ATP8B4: variants seen among roughly 807,000 people sequenced by gnomAD.
The protein encoded by ATP8B4 is probable phospholipid-transporting ATPase IM.
In ATP8B4, 133 loss-of-function variants were observed where a neutral mutation model predicts 145.6. The observed-to-expected ratio is 0.91, with a 90% CI of 0.79 to 1.05. The LOEUF is 1.05. Among genes scored for constraint, ATP8B4 ranks in the 50% least tolerant of loss-of-function variants. The pLI is 0.00. For missense variants in ATP8B4, 1,458 were observed against 1,425.2 expected, an observed-to-expected ratio of 1.02 and a Z score of -0.37; for synonymous variants, 507 against 492.9, an observed-to-expected ratio of 1.03 and a Z score of -0.38.
intron 20 of ATP8B4, 49 bp downstream of exon 20, chr15:49,916,885 C>T: frequency 1.3e-6 from 2 of 1,506,964 alleles, no homozygotes; most frequent in Admixed American, 1.8e-5. Flanking sequence ...TCTTTTTTCC[C>T]TCCCTCCCTC....
At chr15:49,997,367 T>C (rs1406739705) in intron 8 of ATP8B4, among the ~76,000 whole-genome samples, 3 of 152,160 alleles carry the variant, frequency 2.0e-5, no homozygotes, top group South Asian at 2.1e-4. Flanking sequence ...TATTCATAAA[T>C]GGCCAGCAGT....
chr15:50,077,512 T>C (rs966103640), intron 2 of ATP8B4, among the ~76,000 whole-genome samples: 1 of 152,160 alleles, frequency 6.6e-6, no homozygotes, highest in Admixed American at 6.5e-5. Flanking sequence ...ATCTTCCCAA[T>C]GAGCCCAGAG....
At chr15:50,106,072 A>T (rs974582750) in intron 2 of ATP8B4, among the ~76,000 whole-genome samples, 3 of 152,230 alleles carry the variant, frequency 2.0e-5, no homozygotes, top group Non-Finnish European at 4.4e-5. Context: ...TAAATGTTGC[A>T]ATGAATAAGT....
At chr15:50,068,077 A>T (rs1192165113) in intron 3 of ATP8B4, among the ~76,000 whole-genome samples, 1 of 152,164 alleles carries the variant, frequency 6.6e-6, no homozygotes, top group Admixed American at 6.5e-5. Flanking sequence ...ATGTGGGCCT[A>T]AAGAGGCCCA....
At chr15:49,906,205 G>C (rs6493384) in intron 20 of ATP8B4, among the ~76,000 whole-genome samples, 116,986 of 152,132 alleles carry the variant, frequency 0.77, 45,501 homozygotes, top group African/African-American at 0.84. Context: ...TAAATCAATA[G>C]AGCAATAAAT....
rs181907513 is a variant in ATP8B4, at chr15:49,996,841, A to T, written c.507-82T>A. 89 of 1,080,892 alleles carry T rather than the reference A, an allele frequency of 8.2e-5. No homozygotes were observed. The African/African-American group carries it at 1.3e-3, about 16-fold the overall frequency. The allele number at this position is 1,080,892 out of a possible 1,614,324, so 67.0% of individuals were successfully genotyped here. The stretch of plus-strand genomic sequence containing the variant: ...ACCAAAGCAATCAGGTGGGTGTAGC[A>T]CATGCAAAGCCAAACCCAAGAGATC... On this transcript the variant is annotated intron_variant, in intron 8 of 27. Transcript: ENST00000284509.
At chr15:50,082,450 C>T (rs1212548992) in intron 2 of ATP8B4, among the ~76,000 whole-genome samples, 11 of 152,176 alleles carry the variant, frequency 7.2e-5, no homozygotes, top group Admixed American at 7.2e-4. Context: ...GGGAGTCAAA[C>T]AAATACTAAA....
At chr15:50,065,250 C>G (rs965155266) in intron 3 of ATP8B4, among the ~76,000 whole-genome samples, 1 of 152,062 alleles carries the variant, frequency 6.6e-6, no homozygotes, top group Non-Finnish European at 1.5e-5. Context: ...AAAGAAACTA[C>G]ATAGAAAATC....
At chr15:49,863,482 T>C (rs918729477) in intron 26 of ATP8B4, among the ~76,000 whole-genome samples, 5 of 152,186 alleles carry the variant, frequency 3.3e-5, no homozygotes, top group African/African-American at 9.7e-5. Context: ...AAATAAACTT[T>C]TGTCCCTGTT....
At chr15:50,038,111 G>A (rs1245300539) in intron 6 of ATP8B4, among the ~76,000 whole-genome samples, 3 of 152,028 alleles carry the variant, frequency 2.0e-5, no homozygotes, top group Non-Finnish European at 2.9e-5. Flanking sequence ...AAAAAATAAG[G>A]GGGGGACAGC....
chr15:49,862,167 C>T, intron 27 of ATP8B4, 78 bp downstream of exon 27: 1 of 1,513,562 alleles, frequency 6.6e-7, no homozygotes, highest in Non-Finnish European at 9.0e-7. Flanking sequence ...CATCTCTGAG[C>T]TTCCAATAAG....
At chr15:50,163,235 C>A (rs1408924128) in intron 1 of ATP8B4, among the ~76,000 whole-genome samples, 1 of 152,130 alleles carries the variant, frequency 6.6e-6, no homozygotes, top group East Asian at 1.9e-4. Flanking sequence ...GTCTTCATGG[C>A]CTGGATTTGT....
At chr15:50,057,914 T>G (rs530541732) in intron 3 of ATP8B4, among the ~76,000 whole-genome samples, 3 of 152,346 alleles carry the variant, frequency 2.0e-5, no homozygotes, top group African/African-American at 4.8e-5. Context: ...CCAGGGTGTT[T>G]AGACGTATAT....
intron 3 of ATP8B4, among the ~76,000 whole-genome samples, chr15:50,060,086 T>A (rs568388566): frequency 6.6e-5 from 10 of 152,174 alleles, no homozygotes; most frequent in African/African-American, 1.9e-4. Context: ...GGCACTTGCC[T>A]CGGCCGAGCC....
chr15:49,923,247 C>T, intron 17 of ATP8B4, 132 bp downstream of exon 17: 1 of 700,990 alleles, frequency 1.4e-6, no homozygotes, highest in Non-Finnish European at 2.4e-6. Context: ...GCACAGCTTC[C>T]TGTGGAACCA....
intron 6 of ATP8B4, among the ~76,000 whole-genome samples, chr15:50,033,027 A>T (rs1469670555): frequency 6.6e-6 from 1 of 152,232 alleles, no homozygotes; most frequent in Non-Finnish European, 1.5e-5. Context: ...AAACTAGAAA[A>T]GTTGATTGAA....
At chr15:50,081,832 A>G (rs986705190) in intron 2 of ATP8B4, among the ~76,000 whole-genome samples, 3 of 152,240 alleles carry the variant, frequency 2.0e-5, no homozygotes, top group Non-Finnish European at 4.4e-5. Context: ...CCTTCACCAA[A>G]TGTGGTTTAG....
At chr15:49,989,744 C>A (rs1377064752) in intron 9 of ATP8B4, among the ~76,000 whole-genome samples, 1 of 152,078 alleles carries the variant, frequency 6.6e-6, no homozygotes, top group Non-Finnish European at 1.5e-5. Context: ...ATGGTGGGAA[C>A]AAAGCCAAAC....
chr15:49,931,314 G>A lies in ATP8B4; in HGVS notation c.1454-7C>T. On this transcript the variant is annotated splice_region_variant and splice_polypyrimidine_tract_variant and intron_variant, in intron 15 of 27. Coordinates refer to ENST00000284509, the MANE Select transcript of ATP8B4 (RefSeq NM_024837.4). ...ACTTGGTAAATCAGCTCTCCTAAAAGGTAAAGAAACAAGTGTATCAATACT... is the reference window on the plus strand; with the variant it reads ...ACTTGGTAAATCAGCTCTCCTAAAAAGTAAAGAAACAAGTGTATCAATACT... The A allele has an allele frequency of 2.5e-6, 4 of 1,609,804 alleles. No individual in the cohort carries two copies. Among genetic ancestry groups the A allele is most frequent in the Non-Finnish European group, 3.4e-6 (4 of 1,177,564 alleles).
Sources: gnomAD v4.1 joint callset for allele counts (sites outside exome capture counted in the v4.1 genomes callset) on GRCh38, gnomAD v4.1.1 for gene constraint, MANE v1.5 for transcripts, NCBI Gene and HGNC (gene_info 2026-07-23, HGNC 2026-07-21) for gene names.